Variants in PLCH1 observed in about 807,000 individuals in gnomAD.
The protein encoded by PLCH1 is 1-phosphatidylinositol 4,5-bisphosphate phosphodiesterase eta-1.
A neutral mutation model predicts 126.7 loss-of-function variants in PLCH1; 60 were observed. The ratio of observed to expected loss-of-function variants is 0.47; its 90% CI spans 0.38 to 0.59. PLCH1 has a LOEUF of 0.59. PLCH1 is among the 20% of genes least tolerant of loss of function. PLCH1 has a pLI of 0.00. For synonymous variants in PLCH1, 719 were observed against 734.9 expected, an observed-to-expected ratio of 0.98 and a Z score of 0.35; for missense variants, 1,723 against 2,040.0, an observed-to-expected ratio of 0.84 and a Z score of 2.99.
intron 21 of PLCH1, among the ~76,000 whole-genome samples, chr3:155,458,371 A>AAAGAAAGAAAG (rs1712522744): frequency 9.4e-6 from 1 of 106,128 alleles, no homozygotes; most frequent in African/African-American, 4.7e-5. Context: ...AAGAAAGAAG[A>AAAGAAAGAAAG]AAGAAAGAAA....
chr3:155,590,039 G>A (rs2108624872), intron 4 of PLCH1, among the ~76,000 whole-genome samples: 1 of 152,292 alleles, frequency 6.6e-6, no homozygotes, highest in East Asian at 1.9e-4. Context: ...AATGACACTG[G>A]ATTTCTTCTA....
In PLCH1 at chr3:155,470,740, C is replaced by T. The variant is rs1713177688; in HGVS notation, c.2938+14616G>A. ...AACAGCGGATCTCTCGGCAGAAACC[C>T]TACAAGCCAGAAGAGAGTGGGGGCC... On this transcript the variant is annotated intron_variant, in intron 21 of 21. Coordinates refer to the PLCH1 transcript ENST00000494598. Among the ~76,000 whole-genome samples the T allele has an allele frequency of 2.6e-5, 4 of 151,924 alleles. No homozygotes were observed. In the South Asian group the frequency reaches 8.3e-4, roughly 32 times the overall value.
Position 155,494,414 on chromosome 3 carries a change from C to T in PLCH1, c.1998G>A (p.Arg666=). ...FMIYNQKQLT[R]IYPSAYRIDS... is the part of the protein sequence containing the mutation. ...CAATGCGGTAGGCAGAGGGGTAAAT[C>T]CTCGTGAGTTGCTTTTGATTATAAA... The change falls in exon 16 of 23, where the codon AGG becomes AGA. Residue 666 remains arginine, a synonymous_variant. Coordinates refer to ENST00000460012, the MANE Select transcript of PLCH1 (RefSeq NM_014996.4). 2 of 1,614,036 alleles carry T rather than the reference C, an allele frequency of 1.2e-6. No homozygotes were observed. The highest frequency in any genetic ancestry group is 1.1e-5 in the South Asian group (1 of 91,078).
chr3:155,621,383 A>G (rs1736474956), intron 2 of PLCH1, among the ~76,000 whole-genome samples: 2 of 152,214 alleles, frequency 1.3e-5, no homozygotes, highest in Admixed American at 1.3e-4. Flanking sequence ...CTCACCAGCA[A>G]GGGAACAAAA....
chr3:155,532,522 G>T (rs984179490), intron 10 of PLCH1, among the ~76,000 whole-genome samples: 1 of 152,102 alleles, frequency 6.6e-6, no homozygotes, highest in African/African-American at 2.4e-5. Context: ...GAAATCTGGG[G>T]GGAGGTGATT....
chr3:155,678,019 T>C (rs1206170827), intron 2 of PLCH1, among the ~76,000 whole-genome samples: 1 of 152,150 alleles, frequency 6.6e-6, no homozygotes, highest in African/African-American at 2.4e-5. Context: ...TGGGTTTATC[T>C]CTTGCTCGGT....
chr3:155,619,578 C>A (rs2108765070), intron 2 of PLCH1, among the ~76,000 whole-genome samples: 1 of 151,334 alleles, frequency 6.6e-6, no homozygotes, highest in Admixed American at 6.6e-5. Context: ...AGTTCCAAAT[C>A]CCCTGTTGCT....
At chr3:155,504,029 T>C (rs572970314) in intron 13 of PLCH1, among the ~76,000 whole-genome samples, 13 of 152,368 alleles carry the variant, frequency 8.5e-5, no homozygotes, top group Admixed American at 6.5e-4. Context: ...ATGTTACCTG[T>C]TGTGGCGGGC....
At chr3:155,683,086 G>A (rs1991544) in intron 2 of PLCH1, among the ~76,000 whole-genome samples, 4 of 152,132 alleles carry the variant, frequency 2.6e-5, no homozygotes, top group African/African-American at 7.2e-5. Flanking sequence ...TGCATCAGTG[G>A]ACAGTAATTG....
At chr3:155,700,173 C>T (rs1343571397) in intron 2 of PLCH1, among the ~76,000 whole-genome samples, 1 of 152,170 alleles carries the variant, frequency 6.6e-6, no homozygotes, top group Non-Finnish European at 1.5e-5. Flanking sequence ...AACTAGTCTT[C>T]AGGATCCCGT....
chr3:155,679,626 T>G lies in PLCH1; in HGVS notation c.79+24520A>C, dbSNP rs138660552. Among the ~76,000 whole-genome samples the G allele has an allele frequency of 6.1e-3, 927 of 151,950 alleles. 12 individuals carry two copies. The highest frequency in any genetic ancestry group is 0.021 in the African/African-American group (871 of 41,402). On this transcript the variant is annotated intron_variant, in intron 2 of 22. Transcript: ENST00000460012. ...ATTCTAAACTGAGATAAACTCGGAG[T>G]GAAAACATGGTGCATATCTGCCCTT... is the stretch of plus-strand genomic sequence containing the variant.
intron 1 of PLCH1, among the ~76,000 whole-genome samples, chr3:155,741,045 C>T (rs1749584629): frequency 6.6e-6 from 1 of 152,206 alleles, no homozygotes; most frequent in African/African-American, 2.4e-5. Context: ...CCCTCTTCCA[C>T]TACGAAGCAC....
At chr3:155,639,455 T>C (rs1739137603) in intron 2 of PLCH1, among the ~76,000 whole-genome samples, 1 of 152,062 alleles carries the variant, frequency 6.6e-6, no homozygotes, top group Non-Finnish European at 1.5e-5. Context: ...AGCAAAACCC[T>C]GTCTCAAAAA....
At chr3:155,707,488 A>C (rs1286970884) in intron 1 of PLCH1, among the ~76,000 whole-genome samples, 2 of 152,118 alleles carry the variant, frequency 1.3e-5, no homozygotes, top group African/African-American at 4.8e-5. Context: ...CAAGAGTTCA[A>C]AACCAGCCTG....
chr3:155,553,996 G>A (rs1163614373), intron 9 of PLCH1, 80 bp downstream of exon 9: 1 of 1,381,950 alleles, frequency 7.2e-7, no homozygotes, highest in African/African-American at 1.4e-5. Flanking sequence ...GGAAGAGGAT[G>A]TGGTTTTGTA....
At chr3:155,554,545 A>ACTTCTT (rs10588794) in intron 8 of PLCH1, among the ~76,000 whole-genome samples, 1 of 151,196 alleles carries the variant, frequency 6.6e-6, no homozygotes, top group African/African-American at 2.4e-5. Flanking sequence ...ACCCAATTTC[A>ACTTCTT]CTTCTTCTTC....
intron 10 of PLCH1, among the ~76,000 whole-genome samples, chr3:155,542,076 G>A (rs1026228752): frequency 1.3e-5 from 2 of 152,234 alleles, no homozygotes; most frequent in South Asian, 2.1e-4. Flanking sequence ...CCGAAGCAGG[G>A]CAAGGCATTG....
At chr3:155,735,633 C>CA (rs200682543) in intron 1 of PLCH1, among the ~76,000 whole-genome samples, 974 of 81,002 alleles carry the variant, frequency 0.012, 4 homozygotes, top group Middle Eastern at 0.023. Context: ...GACTCCATCT[C>CA]AAAAAAAAAA....
intron 2 of PLCH1, among the ~76,000 whole-genome samples, chr3:155,632,447 A>G (rs953401411): frequency 1.3e-5 from 2 of 152,220 alleles, no homozygotes; most frequent in Non-Finnish European, 2.9e-5. Flanking sequence ...AATCAGCTGT[A>G]AAGCGGTTTA....
Sources: gnomAD v4.1 joint callset for allele counts (sites outside exome capture counted in the v4.1 genomes callset) on GRCh38, gnomAD v4.1.1 for gene constraint, MANE v1.5 for transcripts, NCBI Gene and HGNC (gene_info 2026-07-23, HGNC 2026-07-21) for gene names.